The following ZNF385D variants were observed in gnomAD, a reference collection of about 807,000 sequenced individuals.
ZNF385D encodes zinc finger protein 385D.
ZNF385D carries 15 observed loss-of-function variants against 35.8 expected under a neutral mutation model. That is an observed-to-expected ratio of 0.42 (90% CI 0.28 to 0.64). The LOEUF is 0.64. Ranked by LOEUF, ZNF385D falls within the 30% of genes least tolerant of loss-of-function variation. The pLI, the probability that ZNF385D is intolerant of heterozygous loss-of-function variation, is 0.23. For missense variants in ZNF385D, 474 were observed against 494.6 expected, an observed-to-expected ratio of 0.96 and a Z score of 0.39; for synonymous variants, 212 against 186.8, an observed-to-expected ratio of 1.13 and a Z score of -1.10.
intron 3 of ZNF385D, among the ~76,000 whole-genome samples, chr3:21,940,806 A>G (rs555957335): frequency 6.6e-6 from 1 of 152,328 alleles, no homozygotes; most frequent in Admixed American, 6.5e-5. Context: ...AAATATATGT[A>G]AAAATATGCT....
intron 2 of ZNF385D, among the ~76,000 whole-genome samples, chr3:21,662,318 T>G (rs771946500): frequency 4.6e-5 from 7 of 152,100 alleles, no homozygotes; most frequent in Admixed American, 6.6e-5. Context: ...AATAACTTGA[T>G]GATCAGAGGA....
At chr3:21,994,495 A>T (rs1477969764) in intron 3 of ZNF385D, among the ~76,000 whole-genome samples, 1 of 151,384 alleles carries the variant, frequency 6.6e-6, no homozygotes, top group Non-Finnish European at 1.5e-5. Flanking sequence ...ACTGAGCTTT[A>T]TTATGATCAC....
intron 3 of ZNF385D, among the ~76,000 whole-genome samples, chr3:21,929,755 C>A (rs112936700): frequency 0.023 from 3,513 of 151,900 alleles, 146 homozygotes; most frequent in African/African-American, 0.08. Context: ...AAAAGAGGGG[C>A]AATATTTTTG....
intron 3 of ZNF385D, among the ~76,000 whole-genome samples, chr3:22,016,955 CAA>C (rs59922733): frequency 9.4e-5 from 14 of 149,092 alleles, no homozygotes; most frequent in Non-Finnish European, 6.0e-5. Flanking sequence ...CACACACACA[CAA>C]ACACACACAC....
At chr3:22,362,065 C>G (rs920643942) in intron 2 of ZNF385D, among the ~76,000 whole-genome samples, 1 of 151,166 alleles carries the variant, frequency 6.6e-6, no homozygotes, top group Non-Finnish European at 1.5e-5. Context: ...TGGATGTATG[C>G]TATTTGGTTT....
rs369893883 is a variant in ZNF385D, at chr3:22,301,887, T to C, written c.106+70563A>G. 2.0e-5 allele frequency among the ~76,000 whole-genome samples: 3 copies of C among 152,134 alleles called. No individual in the cohort carries two copies. The East Asian group carries it at 5.8e-4, about 29-fold the overall frequency. ...TACTGCATGTATTCTCTGCTTTTTG[T>C]TATTCTTTGTAGTATATTGTGGTTT... On this transcript the variant is annotated intron_variant, in intron 2 of 5. Coordinates refer to the ZNF385D transcript ENST00000494108.
chr3:21,899,512 TA>T (rs988510588), intron 3 of ZNF385D, among the ~76,000 whole-genome samples: 2 of 152,090 alleles, frequency 1.3e-5, no homozygotes, highest in African/African-American at 4.8e-5. Flanking sequence ...ACTTTGCATT[TA>T]CAACAAGTTC....
At chr3:22,126,536 C>T (rs112751000) in intron 3 of ZNF385D, among the ~76,000 whole-genome samples, 5 of 151,658 alleles carry the variant, frequency 3.3e-5, no homozygotes, top group Non-Finnish European at 7.4e-5. Context: ...CCATTGTGGT[C>T]GAGAAGATAT....
intron 4 of ZNF385D, among the ~76,000 whole-genome samples, chr3:21,439,854 A>G (rs191428355): frequency 2.5e-4 from 38 of 152,218 alleles, no homozygotes; most frequent in Non-Finnish European, 5.4e-4. Context: ...AGACAGGCTT[A>G]GGGGAATTAA....
At chr3:22,184,936 T>G (rs1055443886) in intron 2 of ZNF385D, among the ~76,000 whole-genome samples, 4 of 152,176 alleles carry the variant, frequency 2.6e-5, no homozygotes, top group African/African-American at 9.7e-5. Flanking sequence ...GCCATTTTTT[T>G]AATCTTATTT....
At chr3:21,720,588 T>C (rs2068500600) in intron 1 of ZNF385D, among the ~76,000 whole-genome samples, 1 of 152,186 alleles carries the variant, frequency 6.6e-6, no homozygotes, top group African/African-American at 2.4e-5. Flanking sequence ...CTACCTCAGA[T>C]ATACTGAATC....
At chr3:22,036,006 T>G (rs1427071815) in intron 3 of ZNF385D, among the ~76,000 whole-genome samples, 1 of 152,040 alleles carries the variant, frequency 6.6e-6, no homozygotes, top group Non-Finnish European at 1.5e-5. Flanking sequence ...AAAATAAGAC[T>G]TATGTGTTTT....
chr3:21,990,805 A>T (rs1695105841), intron 3 of ZNF385D, among the ~76,000 whole-genome samples: 1 of 152,208 alleles, frequency 6.6e-6, no homozygotes, highest in Non-Finnish European at 1.5e-5. Flanking sequence ...AAAATTCTGA[A>T]CTTCTTTAAC....
chr3:22,233,077 ATTT>A (rs562777696), intron 2 of ZNF385D, among the ~76,000 whole-genome samples: 2 of 151,748 alleles, frequency 1.3e-5, no homozygotes, highest in Non-Finnish European at 2.9e-5. Context: ...TTTTACTATA[ATTT>A]TTTTTGTTTT....
intron 2 of ZNF385D, among the ~76,000 whole-genome samples, chr3:22,244,091 C>T (rs1699636559): frequency 1.3e-5 from 2 of 150,422 alleles, no homozygotes; most frequent in Non-Finnish European, 2.9e-5. Flanking sequence ...TTTATATTTC[C>T]CCTTGAAGCC....
At chr3:21,569,576 T>C (rs563052631) in intron 2 of ZNF385D, among the ~76,000 whole-genome samples, 1 of 151,146 alleles carries the variant, frequency 6.6e-6, no homozygotes, top group African/African-American at 2.4e-5. Flanking sequence ...AAAGTTAATA[T>C]TGTTACGTGT....
chr3:21,877,866 T>C (rs2125858081), intron 3 of ZNF385D: 1 of 152,158 alleles, frequency 6.6e-6, no homozygotes, highest in African/African-American at 2.4e-5. Context: ...ATAAATTTAT[T>C]TGGGAAGTTA....
At chr3:22,259,835 GAAA>G (rs34864158) in intron 2 of ZNF385D, among the ~76,000 whole-genome samples, 1 of 144,652 alleles carries the variant, frequency 6.9e-6, no homozygotes, top group African/African-American at 2.5e-5. Context: ...ACATAGTGAG[GAAA>G]AAAAAAAACT....
At chr3:21,885,206 T>C (rs1431496284) in intron 3 of ZNF385D, among the ~76,000 whole-genome samples, 2 of 152,066 alleles carry the variant, frequency 1.3e-5, no homozygotes, top group African/African-American at 4.8e-5. Context: ...TTTCTTTCAA[T>C]ATTCTAAAAT....
Sources: allele counts gnomAD v4.1 joint callset (sites outside exome capture counted in the v4.1 genomes callset), GRCh38; gene constraint gnomAD v4.1.1; transcripts MANE v1.5; gene names NCBI Gene and HGNC (gene_info 2026-07-23, HGNC 2026-07-21).